ZNF467: variants seen among roughly 807,000 people sequenced by gnomAD.
ZNF467 encodes zinc finger protein EZI.
ZNF467 carries 51 observed loss-of-function variants against 47.8 expected under a neutral mutation model. That is an observed-to-expected ratio of 1.07 (90% CI 0.85 to 1.35). The LOEUF is 1.35. Ranked by LOEUF, ZNF467 falls within the 40% of genes most tolerant of loss-of-function variation. ZNF467 has a pLI of 0.00. For missense variants in ZNF467, 992 were observed against 858.1 expected (o/e 1.16, Z -1.95); for synonymous variants, 416 against 372.9 (o/e 1.12, Z -1.33).
At chr7:149,770,340 G>T in intron 3 of ZNF467, 100 bp downstream of exon 3, 1 of 642,266 alleles carries the variant, frequency 1.6e-6, no homozygotes, top group Non-Finnish European at 2.6e-6. Context: ...AGAAGGAAGG[G>T]AGGGAGGGAG....
chr7:149,770,977 C>T (rs1314709518), intron 2 of ZNF467, 22 bp downstream of exon 2: 2 of 1,613,912 alleles, frequency 1.2e-6, no homozygotes, highest in Non-Finnish European at 1.7e-6. Flanking sequence ...TTCCCCAAGT[C>T]CCTTCATTTC....
chr7:149,765,409 C>A lies in ZNF467; in HGVS notation c.1093G>T (p.Gly365Cys). ...TGCGTGGCGAGGTTCTTTTTCCAGC[C>A]GAAGCTCAAGCCGCAGTCGGAGCAC... Reference protein sequence around the residue: ...FACSDCGLSFGWKKNLATHQC... With the variant: ...FACSDCGLSFCWKKNLATHQC... The change falls in exon 5 of 5, where the codon GGC becomes TGC. Residue 365 changes from glycine to cysteine, a missense_variant. Gly to Cys is a radical substitution (Grantham distance 159). Transcript: ENST00000302017. The A allele has an allele frequency of 1.3e-6, 2 of 1,572,928 alleles. No individual in the cohort carries two copies. Among genetic ancestry groups the A allele is most frequent in the Non-Finnish European group, 8.6e-7 (1 of 1,160,072 alleles).
chr7:149,773,676 G>A (rs1174323992), upstream of ZNF467, among the ~76,000 whole-genome samples: 1 of 146,536 alleles, frequency 6.8e-6, no homozygotes, highest in Non-Finnish European at 1.5e-5. Flanking sequence ...TTGGGGGAAC[G>A]AGGAGGGGCC....
chr7:149,765,267 C>T lies in ZNF467; in HGVS notation c.1235G>A (p.Cys412Tyr). The T allele has an allele frequency of 6.8e-7, 1 of 1,459,920 alleles. No individual in the cohort carries two copies. The highest frequency in any genetic ancestry group is 9.0e-7 in the Non-Finnish European group (1 of 1,106,608). The allele number at this position is 1,459,920 out of a possible 1,614,324, so 90.4% of individuals were successfully genotyped here. Residue 412 changes from cysteine to tyrosine, a missense_variant, in exon 5 of 5, where the codon TGC becomes TAC. By Grantham distance (194) the Cys-to-Tyr change is radical. Transcript: ENST00000302017. The part of the protein sequence containing the change: ...PLASAPGGPG[C>Y]GPGSDPVVPQ... ...CACCACGGGATCGGATCCTGGGCCG[C>T]AGCCCGGTCCGCCAGGCGCGCTGGC... is the stretch of plus-strand genomic sequence containing the variant.
chr7:149,765,158 C>T lies in ZNF467; in HGVS notation c.1344G>A (p.Arg448=), dbSNP rs1382557995. Residue 448 remains arginine, a synonymous_variant, in exon 5 of 5, where the codon CGG becomes CGA. Transcript: ENST00000302017. The part of the protein sequence containing the change: ...RGFSHGQHLA[R]HPRVHTGERP... ...GTTCGCCCGTGTGCACGCGCGGGTG[C>T]CGCGCCAGGTGCTGCCCATGGGAGA... The T allele has an allele frequency of 2.7e-6, 4 of 1,494,232 alleles. No homozygotes were observed. The highest frequency in any genetic ancestry group is 3.6e-6 in the Non-Finnish European group (4 of 1,126,370). The allele number at this position is 1,494,232 out of a possible 1,614,324, so 92.6% of individuals were successfully genotyped here.
intron 4 of ZNF467, among the ~76,000 whole-genome samples, chr7:149,767,748 C>T (rs1357593385): frequency 6.6e-6 from 1 of 152,156 alleles, no homozygotes; most frequent in Non-Finnish European, 1.5e-5. Flanking sequence ...GATGGGGTCT[C>T]GCTGTGTTGC....
At chr7:149,772,846 G>A (rs1032582406) in intron 1 of ZNF467, among the ~76,000 whole-genome samples, 24 of 61,638 alleles carry the variant, frequency 3.9e-4, no homozygotes, top group Middle Eastern at 0.024. Flanking sequence ...CCTGCCTCCC[G>A]CCCGACCCCC....
chr7:149,765,593 T>G lies in ZNF467; in HGVS notation c.909A>C (p.Ala303=). The change falls in exon 5 of 5, where the codon GCA becomes GCC. Residue 303 remains alanine (A), a synonymous_variant. Transcript: ENST00000302017. ...IHTGERPYQC[A]QCARSFTHKQ... ...TGTGCGTGAAGCTGCGTGCGCACTGTGCGCACTGGTAGGGCCTCTCGCCCG... is the reference window on the plus strand; with the variant it reads ...TGTGCGTGAAGCTGCGTGCGCACTGGGCGCACTGGTAGGGCCTCTCGCCCG... 1 of 1,599,980 alleles carries G rather than the reference T, an allele frequency of 6.3e-7. No homozygotes were observed. Among genetic ancestry groups the G allele is most frequent in the Non-Finnish European group, 8.5e-7 (1 of 1,173,422 alleles).
At chr7:149,768,992 G>A in intron 4 of ZNF467, 98 bp downstream of exon 4, 1 of 1,094,656 alleles carries the variant, frequency 9.1e-7, no homozygotes, top group Non-Finnish European at 1.3e-6. Context: ...GCCTGTCTTG[G>A]GGGATTACCT....
At position 149,773,490 on chromosome 7, in the gene ZNF467, A is replaced by T. The variant is rs1242900413; in HGVS notation, c.-425T>A. 3.6e-4 allele frequency: 1 copy of T among 2,754 alleles called. No homozygotes were observed. Among genetic ancestry groups the T allele is most frequent in the African/African-American group, 2.7e-3 (1 of 366 alleles). The allele number at this position is 2,754 out of a possible 1,614,324, so 0.2% of individuals were successfully genotyped here. A position where few individuals can be genotyped will look rare whatever the true frequency, so the allele number is the denominator to read the frequency against. On this transcript the variant is annotated 5_prime_UTR_variant, in exon 1 of 5. Transcript: ENST00000302017. ...TGGAAGTGGGAGCTCAGGACGGGGG[A>T]GGGGAGGGGAGGGGAGGGGAGGGTG...
At chr7:149,772,580 C>T (rs1225770821) in intron 1 of ZNF467, among the ~76,000 whole-genome samples, 1 of 147,132 alleles carries the variant, frequency 6.8e-6, no homozygotes, top group Non-Finnish European at 1.5e-5. Flanking sequence ...GACTTCTCAC[C>T]CCTCCCAAGT....
chr7:149,776,130 CCTT>C (rs757466265), upstream of ZNF467: 19 of 1,337,972 alleles, frequency 1.4e-5, no homozygotes, highest in South Asian at 2.4e-5. Context: ...CAAGGGTCCT[CCTT>C]CTGCCGCATG....
At chr7:149,766,287 C>T (rs1221959473) in intron 4 of ZNF467, 48 bp from the exon 5 acceptor site, 3 of 1,509,356 alleles carry the variant, frequency 2.0e-6, no homozygotes, top group Middle Eastern at 1.8e-4. Context: ...CGTGCGGCAA[C>T]GTCTATTTAA....
intron 1 of ZNF467, among the ~76,000 whole-genome samples, chr7:149,771,508 GGA>G (rs554630964): frequency 2.5e-3 from 380 of 152,246 alleles, no homozygotes; most frequent in African/African-American, 8.7e-3. Flanking sequence ...TGGTGAAATA[GGA>G]GCCAGCCCAG....
rs1799494447 is a variant in ZNF467 at position 149,773,522 on chromosome 7, G to A, written c.-457C>T. ...GGGAGGGGAGGGGAGGGTGATGGGA[G>A]AGGGGGTGGAGGAGGGCGAGGAGGC... On this transcript the variant is annotated 5_prime_UTR_variant, in exon 1 of 5. Transcript: ENST00000302017. 7.2e-6 allele frequency: 1 copy of A among 138,020 alleles called. No individual in the cohort carries two copies. Among genetic ancestry groups the A allele is most frequent in the South Asian group, 2.5e-4 (1 of 4,044 alleles). 8.5% of individuals were successfully genotyped at this position (138,020 alleles called of 1,614,324 possible). A position where few individuals can be genotyped will look rare whatever the true frequency, so the allele number is the denominator to read the frequency against.
rs766245282 is a variant in ZNF467 at position 149,764,867 on chromosome 7, G to C, written c.1635C>G (p.Cys545Trp). 12 of 1,555,940 alleles carry C rather than the reference G, an allele frequency of 7.7e-6. No homozygotes were observed. The highest frequency in any genetic ancestry group is 1.0e-5 in the Non-Finnish European group (12 of 1,152,466). The change falls in exon 5 of 5, where the codon TGC (cysteine) becomes TGG (tryptophan). Residue 545 changes from cysteine to tryptophan, a missense_variant. By Grantham distance (215) the Cys-to-Trp change is radical. Transcript: ENST00000302017. ...GGCTGAAGCTCTTTCCGCACTGCGG[G>C]CAGGAGAAGGGGCGGGAGCCTGTGT... The part of the protein sequence containing the change: ...AIHTGSRPFS[C>W]PQCGKSFSRK...
Position 149,765,531 on chromosome 7 carries a change from G to A in ZNF467, c.971C>T (p.Thr324Met), listed in dbSNP as rs1305334072. 1.3e-6 allele frequency: 2 copies of A among 1,580,170 alleles called. No individual in the cohort carries two copies. Among genetic ancestry groups the A allele is most frequent in the South Asian group, 1.1e-5 (1 of 87,022 alleles). ...HLVRHQRVHQ[T>M]AGPARPSPDS... ...GGGAGAGGGCCTGGCCGGGCCGGCC[G>A]TCTGGTGCACCCTTTGGTGCCGCAC... Residue 324 changes from threonine to methionine, a missense_variant, in exon 5 of 5, where the codon ACG (threonine) becomes ATG (methionine). Coordinates refer to ENST00000302017, the MANE Select transcript of ZNF467 (RefSeq NM_207336.3).
upstream of ZNF467, chr7:149,776,484 G>A (rs1207902051): frequency 1.1e-5 from 15 of 1,326,448 alleles, no homozygotes; most frequent in Non-Finnish European, 1.5e-5. Context: ...GTGGCCGCTC[G>A]GGGCTTACCC....
In ZNF467 at chr7:149,765,488, A is replaced by G; in HGVS notation, c.1014T>C (p.Pro338=). 1 of 1,585,160 alleles carries G rather than the reference A, an allele frequency of 6.3e-7. No homozygotes were observed. The highest frequency in any genetic ancestry group is 8.6e-7 in the Non-Finnish European group (1 of 1,166,622). The part of the protein sequence containing the change: ...ARPSPDSSAS[P]HSTAPSPTPS... ...GGGTCGGGGACGGGGCAGTGGAATG[A>G]GGAGAAGCGGACGAGTCGGGAGAGG... Residue 338 remains proline, a synonymous_variant, in exon 5 of 5, where the codon CCT becomes CCC. Coordinates refer to ENST00000302017, the MANE Select transcript of ZNF467 (RefSeq NM_207336.3).
Sources: allele counts gnomAD v4.1 joint callset (sites outside exome capture counted in the v4.1 genomes callset), GRCh38; gene constraint gnomAD v4.1.1; transcripts MANE v1.5; gene names NCBI Gene and HGNC (gene_info 2026-07-23, HGNC 2026-07-21).